SIRT1: variants seen among roughly 807,000 people sequenced by gnomAD.
SIRT1 encodes the protein NAD-dependent protein deacetylase sirtuin-1.
SIRT1 carries 24 observed loss-of-function variants against 67.9 expected under a neutral mutation model. The observed-to-expected ratio is 0.35, with a 90% confidence interval of 0.26 to 0.50. SIRT1 has a LOEUF of 0.50. Among genes scored for constraint, SIRT1 ranks in the 20% least tolerant of loss-of-function variants. SIRT1 has a pLI of 0.98. For synonymous variants in SIRT1, 378 were observed against 350.7 expected, an observed-to-expected ratio of 1.08 and a Z score of -0.87; for missense variants, 873 against 937.2, an observed-to-expected ratio of 0.93 and a Z score of 0.89.
At chr10:67,893,503 G>A (rs936607143) in intron 4 of SIRT1, among the ~76,000 whole-genome samples, 7 of 151,876 alleles carry the variant, frequency 4.6e-5, no homozygotes, top group African/African-American at 1.7e-4. Flanking sequence ...GTTGTGAATA[G>A]GGACTTCTTT....
Position 67,892,245 on chromosome 10 carries a change from C to A in SIRT1, c.942+691C>A, listed in dbSNP as rs12570807. Among the ~76,000 whole-genome samples, 4,590 of 152,082 alleles carry A rather than the reference C, an allele frequency of 0.03. 529 individuals are homozygous for A. The East Asian group carries it at 0.41, about 14-fold the overall frequency. On this transcript the variant is annotated intron_variant, in intron 4 of 8. Coordinates refer to ENST00000212015, the MANE Select transcript of SIRT1 (RefSeq NM_012238.5). Reference sequence around the variant, plus strand: ...AAATACTTAAAATTAATTTTGAATTCTTTTGAAATACTTTTGATATTGGGT... The same window carrying A: ...AAATACTTAAAATTAATTTTGAATTATTTTGAAATACTTTTGATATTGGGT...
At chr10:67,897,660 C>A (rs1842679147) in intron 4 of SIRT1, among the ~76,000 whole-genome samples, 1 of 151,846 alleles carries the variant, frequency 6.6e-6, no homozygotes, top group Non-Finnish European at 1.5e-5. Context: ...CTGTGCCTAG[C>A]CAATTTTTTG....
rs1047522548 is a variant in SIRT1 at position 67,889,111 on chromosome 10, A to T, written c.777A>T (p.Leu259=). 6.9e-6 allele frequency: 11 copies of T among 1,600,596 alleles called. No individual in the cohort carries two copies. The highest frequency in any genetic ancestry group is 2.7e-5 in the African/African-American group (2 of 74,852). ...LLQECKKIIV[L]TGAGVSVSCG... Reference sequence around the variant, plus strand: ...AAGAGTGCAAAAAAATTATAGTTCTAACTGGAGCTGGGGTATGTAAGACTA... The same window carrying T: ...AAGAGTGCAAAAAAATTATAGTTCTTACTGGAGCTGGGGTATGTAAGACTA... Residue 259 remains leucine, a synonymous_variant, in exon 3 of 9, where the codon CTA becomes CTT. Transcript: ENST00000212015.
At chr10:67,911,028 G>T (rs573555633) in intron 7 of SIRT1, among the ~76,000 whole-genome samples, 3 of 152,144 alleles carry the variant, frequency 2.0e-5, no homozygotes, top group African/African-American at 7.2e-5. Flanking sequence ...CCCATATCTC[G>T]TGGCTTTAGC....
chr10:67,887,607 G>T, intron 2 of SIRT1, 74 bp downstream of exon 2: 2 of 1,019,990 alleles, frequency 2.0e-6, no homozygotes, highest in Non-Finnish European at 3.0e-6. Context: ...ACAGAGTTTC[G>T]CTCTTGTTGC....
rs529124485 is a variant in SIRT1, at chr10:67,886,198, C to T, written c.430+1047C>T. ...CTTCGTGATCCGTCCGCCTCGGCCG[C>T]CCAAAGTGCTGGGATTACAGGCGTG... On this transcript the variant is annotated intron_variant, in intron 1 of 8. Transcript: ENST00000212015. 1.1e-4 allele frequency among the ~76,000 whole-genome samples: 17 copies of T among 151,982 alleles called. No homozygotes were observed. In the South Asian group the frequency reaches 2.1e-3, roughly 19 times the overall value.
chr10:67,901,135 A>G (rs1842738585), intron 4 of SIRT1, among the ~76,000 whole-genome samples: 1 of 152,040 alleles, frequency 6.6e-6, no homozygotes, highest in Non-Finnish European at 1.5e-5. Flanking sequence ...AATACTGCAT[A>G]GAGGTTTAAA....
intron 8 of SIRT1, among the ~76,000 whole-genome samples, chr10:67,913,580 A>AT (rs1362795218): frequency 3.3e-5 from 5 of 152,192 alleles, no homozygotes; most frequent in Admixed American, 6.5e-5. Context: ...TTCTCCACTG[A>AT]ATATAGGAAT....
chr10:67,890,372 T>G (rs1842550385), intron 3 of SIRT1, among the ~76,000 whole-genome samples: 1 of 152,126 alleles, frequency 6.6e-6, no homozygotes, highest in African/African-American at 2.4e-5. Flanking sequence ...TTTTTTTTAA[T>G]GAAAATAGAG....
intron 6 of SIRT1, 68 bp downstream of exon 6, chr10:67,908,193 C>A: frequency 7.8e-7 from 1 of 1,284,372 alleles, no homozygotes; most frequent in South Asian, 1.2e-5. Flanking sequence ...GCCTCAAAAT[C>A]CTTTTTTACC....
chr10:67,894,648 C>T (rs1842624591), intron 4 of SIRT1, among the ~76,000 whole-genome samples: 1 of 152,078 alleles, frequency 6.6e-6, no homozygotes, highest in South Asian at 2.1e-4. Context: ...TATTGTTAAA[C>T]TGAAAAAAAA....
intron 7 of SIRT1, among the ~76,000 whole-genome samples, chr10:67,909,812 T>A (rs920623046): frequency 3.9e-5 from 6 of 152,080 alleles, no homozygotes; most frequent in African/African-American, 9.6e-5. Flanking sequence ...TCAGCTCAGG[T>A]GATCCGCCTG....
At chr10:67,909,764 C>T (rs1035364308) in intron 7 of SIRT1, among the ~76,000 whole-genome samples, 3 of 151,730 alleles carry the variant, frequency 2.0e-5, no homozygotes, top group East Asian at 1.9e-4. Flanking sequence ...TAGTATAGAC[C>T]GGGTTTCACC....
At position 67,887,430 on chromosome 10, in the gene SIRT1, C is replaced by T. The variant is rs773494159; in HGVS notation, c.444C>T (p.Phe148=). 6.8e-6 allele frequency: 11 copies of T among 1,611,944 alleles called. No individual in the cohort carries two copies. The highest frequency in any genetic ancestry group is 1.1e-5 in the South Asian group (1 of 90,958). The change falls in exon 2 of 9, where the codon TTC becomes TTT. Residue 148 remains phenylalanine, a synonymous_variant. Transcript: ENST00000212015. ...TTTCTTTTGCAGATAACCTTCTGTT[C>T]GGTGATGAAATTATCACTAATGGTT... The part of the protein sequence containing the change: ...AAIGYRDNLL[F]GDEIITNGFH...
At chr10:67,906,369 TC>T in intron 4 of SIRT1, 1 of 1,419,644 alleles carries the variant, frequency 7.0e-7, no homozygotes, top group Admixed American at 2.3e-5. Flanking sequence ...TTTTAAATAT[TC>T]TTGTATTGAC....
intron 3 of SIRT1, among the ~76,000 whole-genome samples, chr10:67,889,706 A>C (rs915434151): frequency 6.6e-6 from 1 of 152,218 alleles, no homozygotes; most frequent in Admixed American, 6.5e-5. Context: ...CAACTGCTGT[A>C]GTAAAATTTT....
chr10:67,904,127 G>GTT (rs1401398689), intron 4 of SIRT1, among the ~76,000 whole-genome samples: 3 of 140,084 alleles, frequency 2.1e-5, no homozygotes, highest in African/African-American at 7.9e-5. Context: ...TTTTTTGTTT[G>GTT]TTTTTTTTTT....
In SIRT1 at chr10:67,885,136, G is replaced by C; in HGVS notation, c.415G>C (p.Ala139Pro). ...GEEEEEAAAAAIGYRDNLLFG... is the reference protein window; with the variant it reads ...GEEEEEAAAAPIGYRDNLLFG... ...GGAGGAGGAAGAGGCGGCGGCGGCG[G>C]CGATTGGGTACCGAGGTGCGCAGGG... Residue 139 changes from alanine (A) to proline (P), a missense_variant, in exon 1 of 9, where the codon GCG becomes CCG. By Grantham distance (27) the Ala-to-Pro change is conservative (BLOSUM62 -1). Coordinates refer to ENST00000212015, the MANE Select transcript of SIRT1 (RefSeq NM_012238.5). 2 of 1,427,226 alleles carry C rather than the reference G, an allele frequency of 1.4e-6. No homozygotes were observed. Among genetic ancestry groups the C allele is most frequent in the Non-Finnish European group, 1.8e-6 (2 of 1,084,790 alleles). The allele number at this position is 1,427,226 out of a possible 1,614,324, so 88.4% of individuals were successfully genotyped here.
chr10:67,915,166 G>A (rs1008963607), intron 8 of SIRT1, among the ~76,000 whole-genome samples: 1 of 152,192 alleles, frequency 6.6e-6, no homozygotes, highest in African/African-American at 2.4e-5. Context: ...GTCAGGGTGA[G>A]AACTGGGTCA....
Sources: gnomAD v4.1 joint callset for allele counts (sites outside exome capture counted in the v4.1 genomes callset) on GRCh38, gnomAD v4.1.1 for gene constraint, MANE v1.5 for transcripts, NCBI Gene and HGNC (gene_info 2026-07-23, HGNC 2026-07-21) for gene names.